The following ARHGAP44 variants were observed in gnomAD, a reference collection of about 807,000 sequenced individuals.
ARHGAP44 encodes the protein rho GTPase-activating protein 44.
Under a neutral mutation model 106.8 loss-of-function variants are expected in ARHGAP44, and 43 were observed. That is an observed-to-expected ratio of 0.40 (90% CI 0.32 to 0.52). The LOEUF (loss-of-function observed/expected upper bound fraction) is 0.52. Among genes scored for constraint, ARHGAP44 ranks in the 20% least tolerant of loss-of-function variants. The pLI, the probability that ARHGAP44 is intolerant of heterozygous loss-of-function variation, is 0.48. For missense variants in ARHGAP44, 866 were observed against 1,050.5 expected (o/e 0.82, Z 2.43); for synonymous variants, 439 against 410.3 (o/e 1.07, Z -0.85).
intron 1 of ARHGAP44, among the ~76,000 whole-genome samples, chr17:12,794,155 G>T (rs1464522727): frequency 6.6e-6 from 1 of 152,186 alleles, no homozygotes; most frequent in African/African-American, 2.4e-5. Context: ...ATACCGAAAG[G>T]CATAGAGTAT....
intron 1 of ARHGAP44, among the ~76,000 whole-genome samples, chr17:12,882,041 T>A (rs1355830733): frequency 6.6e-6 from 1 of 152,148 alleles, no homozygotes; most frequent in East Asian, 1.9e-4. Context: ...AATTATTTTT[T>A]AAAATTCTTA....
At chr17:12,966,926 G>T (rs11078103) in intron 16 of ARHGAP44, among the ~76,000 whole-genome samples, 15,637 of 152,142 alleles carry the variant, frequency 0.1, 912 homozygotes, top group South Asian at 0.2. Context: ...CAGCTAGAAT[G>T]GTCCACAGCA....
chr17:12,830,497 A>G (rs982236509), intron 1 of ARHGAP44, among the ~76,000 whole-genome samples: 5 of 152,124 alleles, frequency 3.3e-5, no homozygotes, highest in Non-Finnish European at 7.3e-5. Context: ...CAAACTTCTT[A>G]TCATAGGAGA....
intron 7 of ARHGAP44, among the ~76,000 whole-genome samples, chr17:12,935,311 C>T (rs1417558846): frequency 7.2e-5 from 11 of 152,106 alleles, no homozygotes; most frequent in African/African-American, 2.7e-4. Context: ...CGGTGGCTCA[C>T]GCCTGTAATC....
At position 12,896,451 on chromosome 17, in the gene ARHGAP44, G is replaced by A. The variant is rs62637651; in HGVS notation, c.138G>A (p.Thr46=). The part of the protein sequence containing the change: ...LELVKQVSHS[T]HKKLTACLQG... Reference sequence around the variant, plus strand: ...TGGTGAAACAGGTGTCCCACAGCACGCACAAGAAGCTCACCGCATGTCTGC... The same window carrying A: ...TGGTGAAACAGGTGTCCCACAGCACACACAAGAAGCTCACCGCATGTCTGC... Residue 46 remains threonine, a synonymous_variant, in exon 3 of 21, where the codon ACG becomes ACA. Coordinates refer to ENST00000379672, the MANE Select transcript of ARHGAP44 (RefSeq NM_014859.6). 2.1e-5 allele frequency: 33 copies of A among 1,609,606 alleles called. No homozygotes were observed. The highest frequency in any genetic ancestry group is 2.4e-5 in the Non-Finnish European group (28 of 1,178,330).
chr17:12,972,900 A>C (rs2039565866), intron 16 of ARHGAP44: 1 of 161,974 alleles, frequency 6.2e-6, no homozygotes, highest in Non-Finnish European at 1.3e-5. Context: ...TGACCTCATG[A>C]TCCACCAGCC....
rs775941501 is a variant in ARHGAP44 at position 12,980,114 on chromosome 17, C to T, written c.1820C>T (p.Ser607Phe). ...PGSAQKGSPG[S>F]SQGTACAGTQ... ...TCTGCACAGAAAGGAAGTCCAGGCT[C>T]CAGCCAGGGCACAGCCTGTGCAGGG... Residue 607 changes from serine (S) to phenylalanine (F), a missense_variant, in exon 19 of 21, where the codon TCC (serine) becomes TTC (phenylalanine). By Grantham distance (155) the Ser-to-Phe change is radical. Transcript: ENST00000379672. 9.9e-6 allele frequency: 16 copies of T among 1,613,796 alleles called. No homozygotes were observed. The East Asian group carries it at 1.6e-4, about 16-fold the overall frequency.
intron 1 of ARHGAP44, among the ~76,000 whole-genome samples, chr17:12,857,629 A>G (rs1449957342): frequency 6.6e-6 from 1 of 152,176 alleles, no homozygotes; most frequent in Non-Finnish European, 1.5e-5. Flanking sequence ...CTTCCCATGC[A>G]GTTGTCCTGG....
chr17:12,922,952 T>C (rs1049518585), intron 6 of ARHGAP44, among the ~76,000 whole-genome samples: 7 of 152,212 alleles, frequency 4.6e-5, no homozygotes, highest in African/African-American at 1.7e-4. Flanking sequence ...ATTTAACAAA[T>C]GTTTTTATAT....
intron 1 of ARHGAP44, among the ~76,000 whole-genome samples, chr17:12,841,628 ACACAC>A (rs2035403426): frequency 1.4e-5 from 2 of 138,884 alleles, no homozygotes; most frequent in African/African-American, 5.9e-5. Context: ...ACACACACAC[ACACAC>A]ACACACAAAC....
chr17:12,859,662 A>T (rs1216364899), intron 1 of ARHGAP44, among the ~76,000 whole-genome samples: 1 of 152,174 alleles, frequency 6.6e-6, no homozygotes, highest in Non-Finnish European at 1.5e-5. Flanking sequence ...CTATAAATGT[A>T]CCCAGGACTT....
At chr17:12,971,373 T>C (rs558384479) in intron 16 of ARHGAP44, among the ~76,000 whole-genome samples, 5 of 152,106 alleles carry the variant, frequency 3.3e-5, no homozygotes, top group African/African-American at 1.2e-4. Context: ...CTTTTTCAAG[T>C]AGAAGAGAAA....
In ARHGAP44 at chr17:12,940,566, G is replaced by C. The variant is rs183951375; in HGVS notation, c.583-490G>C. 2.6e-5 allele frequency among the ~76,000 whole-genome samples: 4 copies of C among 152,302 alleles called. No individual in the cohort carries two copies. In the East Asian group the frequency reaches 7.7e-4, roughly 29 times the overall value. ...TTCCCTGTGCACCTGTCTTATCCAA[G>C]CTTCCTCCAAATTGGTGCATTTCCA... On this transcript the variant is annotated intron_variant, in intron 7 of 20. Transcript: ENST00000379672.
At chr17:12,874,880 A>G (rs2036507048) in intron 1 of ARHGAP44, among the ~76,000 whole-genome samples, 1 of 150,918 alleles carries the variant, frequency 6.6e-6, no homozygotes. Context: ...GGAAAAAGGG[A>G]AAGTTAGATA....
chr17:12,808,901 T>G (rs750149286), intron 1 of ARHGAP44, among the ~76,000 whole-genome samples: 11 of 152,238 alleles, frequency 7.2e-5, no homozygotes, highest in Admixed American at 2.0e-4. Context: ...AAGTTTCAAT[T>G]CCAAACCATG....
chr17:12,856,271 T>G (rs1454292871), intron 1 of ARHGAP44, among the ~76,000 whole-genome samples: 3 of 152,138 alleles, frequency 2.0e-5, no homozygotes, highest in African/African-American at 7.2e-5. Flanking sequence ...TCTAGTAAAC[T>G]GTGCATCCTA....
intron 1 of ARHGAP44, among the ~76,000 whole-genome samples, chr17:12,853,489 G>C (rs1439700633): frequency 6.6e-6 from 1 of 152,194 alleles, no homozygotes; most frequent in African/African-American, 2.4e-5. Flanking sequence ...CATCGAGAAG[G>C]CAGAGGTGAA....
intron 1 of ARHGAP44, among the ~76,000 whole-genome samples, chr17:12,802,954 TATATATATATA>T (rs1567621321): frequency 1.8e-3 from 43 of 24,254 alleles, no homozygotes; most frequent in African/African-American, 0.015. Flanking sequence ...TATATATATA[TATATATATATA>T]TATATTTTTT....
chr17:12,941,226 G>A (rs1424718097), intron 8 of ARHGAP44, 102 bp downstream of exon 8: 20 of 1,112,132 alleles, frequency 1.8e-5, no homozygotes, highest in East Asian at 2.5e-5. Flanking sequence ...CATAGAAAAA[G>A]GTGGGAGCTT....
Sources: gnomAD v4.1 joint callset for allele counts (sites outside exome capture counted in the v4.1 genomes callset) on GRCh38, gnomAD v4.1.1 for gene constraint, MANE v1.5 for transcripts, NCBI Gene and HGNC (gene_info 2026-07-23, HGNC 2026-07-21) for gene names.